SLC35D1: variants seen among roughly 807,000 people sequenced by gnomAD.
SLC35D1 encodes the protein solute carrier family 35 member D1, also known as nucleotide sugar transporter SLC35D1.
A neutral mutation model predicts 46.7 loss-of-function variants in SLC35D1; 31 were observed. The observed-to-expected ratio is 0.66, with a 90% CI of 0.50 to 0.90. The LOEUF (loss-of-function observed/expected upper bound fraction) is 0.90. Ranked by LOEUF, SLC35D1 falls within the 40% of genes least tolerant of loss-of-function variation. The pLI is 0.00. For synonymous variants in SLC35D1, 195 were observed against 164.6 expected (o/e 1.18, Z -1.41); for missense variants, 397 against 426.2 (o/e 0.93, Z 0.60).
intron 8 of SLC35D1, among the ~76,000 whole-genome samples, chr1:67,028,701 C>G (rs1306717247): frequency 6.6e-6 from 1 of 152,156 alleles, no homozygotes; most frequent in Admixed American, 6.5e-5. Flanking sequence ...TCCCACCCTT[C>G]ATAGACTTCT....
At chr1:67,036,300 T>C (rs571207918) in intron 8 of SLC35D1, among the ~76,000 whole-genome samples, 1 of 152,314 alleles carries the variant, frequency 6.6e-6, no homozygotes, top group South Asian at 2.1e-4. Context: ...CAGCTATTAC[T>C]GTATTGGGAT....
rs779413390 is a variant in SLC35D1, at chr1:67,054,023, A to G, written c.-10T>C. The G allele has an allele frequency of 1.9e-6, 3 of 1,607,068 alleles. No individual in the cohort carries two copies. The highest frequency in any genetic ancestry group is 2.5e-6 in the Non-Finnish European group (3 of 1,177,000). On this transcript the variant is annotated 5_prime_UTR_variant, in exon 1 of 12. Coordinates refer to ENST00000235345, the MANE Select transcript of SLC35D1 (RefSeq NM_015139.3). ...TATGAACTTCCGCCATGGCTGCCGC[A>G]GCAGCGGTGGCCTGGCGGCGGGGCC...
At chr1:66,982,948 G>A in the SLC35D1 span, among the ~76,000 whole-genome samples, 4 of 152,202 alleles carry the variant, frequency 2.6e-5, no homozygotes, top group South Asian at 2.1e-4. Context: ...GGGACTAACC[G>A]TATAGGCTCA....
rs1667350985 is a variant in SLC35D1 at position 67,002,095 on chromosome 1, A to G, written c.*2245T>C. 1 of 152,390 alleles carries G rather than the reference A, an allele frequency of 6.6e-6. No individual in the cohort carries two copies. 9.4% of individuals were successfully genotyped at this position (152,390 alleles called of 1,614,324 possible). A position where few individuals can be genotyped will look rare whatever the true frequency, so the allele number is the denominator to read the frequency against. On this transcript the variant is annotated 3_prime_UTR_variant, in exon 12 of 12. Transcript: ENST00000235345. ...GAAGAAATATTCTACAACAAAAATT[A>G]TTCAAACGTCCCTCCTTCATGTTGC...
chr1:66,994,514 C>T (rs887866907), downstream of SLC35D1, among the ~76,000 whole-genome samples: 10 of 152,014 alleles, frequency 6.6e-5, no homozygotes, highest in African/African-American at 2.4e-4. Flanking sequence ...CGTGGTGGCA[C>T]AAGCCTGTAG....
the SLC35D1 span, among the ~76,000 whole-genome samples, chr1:66,980,258 A>G: frequency 6.6e-6 from 1 of 152,240 alleles, no homozygotes; most frequent in African/African-American, 2.4e-5. Context: ...AAAGCTGAAG[A>G]AGTCTTCAAG....
chr1:67,008,713 A>G (rs534551628), intron 11 of SLC35D1, among the ~76,000 whole-genome samples: 3 of 152,230 alleles, frequency 2.0e-5, no homozygotes, highest in African/African-American at 7.2e-5. Context: ...AATGCTTTCA[A>G]TATAGCAACC....
intron 10 of SLC35D1, among the ~76,000 whole-genome samples, chr1:67,010,609 A>C (rs1667543864): frequency 6.6e-6 from 1 of 152,020 alleles, no homozygotes; most frequent in Non-Finnish European, 1.5e-5. Flanking sequence ...AATACTTGGG[A>C]CCTGAAATAT....
Position 67,049,807 on chromosome 1 carries a change from T to C in SLC35D1, c.508A>G (p.Ile170Val), listed in dbSNP as rs1407589659. Reference sequence around the variant, plus strand: ...CTGGCAGCTACAAAGGCTCCAATAATCATTGCAAATACAGTCATTTTAATA... The same window carrying C: ...CTGGCAGCTACAAAGGCTCCAATAACCATTGCAAATACAGTCATTTTAATA... ...WGIKMTVFAM[I>V]IGAFVAASSD... Residue 170 changes from isoleucine (I) to valine (V), a missense_variant, in exon 6 of 12, where the codon ATT becomes GTT. Transcript: ENST00000235345. The C allele has an allele frequency of 8.1e-5, 130 of 1,613,744 alleles. No homozygotes were observed. In the Admixed American group the frequency reaches 2.2e-3, roughly 27 times the overall value.
the SLC35D1 span, among the ~76,000 whole-genome samples, chr1:66,990,235 A>G: frequency 6.6e-6 from 1 of 152,122 alleles, no homozygotes; most frequent in African/African-American, 2.4e-5. Context: ...AAATGTTTGC[A>G]TTTAAAAAAC....
At chr1:67,021,724 G>GACACACACACACACAC (rs35069681) in intron 8 of SLC35D1, 122 bp from the exon 9 acceptor site, 58 of 422,540 alleles carry the variant, frequency 1.4e-4, no homozygotes, top group African/African-American at 3.5e-4. Flanking sequence ...CACAGACACA[G>GACACACACACACACAC]ACACACACAC....
intron 7 of SLC35D1, among the ~76,000 whole-genome samples, chr1:67,046,106 G>A (rs886813237): frequency 1.3e-5 from 2 of 151,972 alleles, no homozygotes; most frequent in African/African-American, 4.8e-5. Context: ...AAAATGGATT[G>A]GAAACAAATC....
chr1:67,007,202 G>C (rs563319289), intron 11 of SLC35D1, among the ~76,000 whole-genome samples: 7 of 152,242 alleles, frequency 4.6e-5, no homozygotes, highest in South Asian at 4.1e-4. Context: ...TACCATAAAT[G>C]GTGGCTTATA....
At chr1:66,998,318 G>A (rs777963018), downstream of SLC35D1, among the ~76,000 whole-genome samples, 6 of 152,076 alleles carry the variant, frequency 3.9e-5, no homozygotes, top group African/African-American at 1.2e-4. Context: ...ATGAAAACCC[G>A]TCTCTACTAA....
At chr1:67,006,004 T>G (rs1667439658) in intron 11 of SLC35D1, among the ~76,000 whole-genome samples, 1 of 151,996 alleles carries the variant, frequency 6.6e-6, no homozygotes, top group South Asian at 2.1e-4. Context: ...ATTCTTACAC[T>G]TTTTATTGTC....
chr1:66,982,382 G>T, the SLC35D1 span, among the ~76,000 whole-genome samples: 1 of 152,092 alleles, frequency 6.6e-6, no homozygotes. Context: ...GATAAAGCCG[G>T]TATCAACCTG....
At chr1:66,979,381 C>T in the SLC35D1 span, among the ~76,000 whole-genome samples, 1 of 152,170 alleles carries the variant, frequency 6.6e-6, no homozygotes, top group Non-Finnish European at 1.5e-5. Context: ...AGCACATTAT[C>T]CTGAAAGTCA....
At chr1:67,006,754 T>C (rs1470592708) in intron 11 of SLC35D1, among the ~76,000 whole-genome samples, 1 of 152,166 alleles carries the variant, frequency 6.6e-6, no homozygotes, top group Non-Finnish European at 1.5e-5. Flanking sequence ...AGGTTGAGTA[T>C]CTCTTATCTA....
chr1:66,988,524 T>G, the SLC35D1 span: 2 of 151,988 alleles, frequency 1.3e-5, no homozygotes, highest in African/African-American at 4.8e-5. Flanking sequence ...GGACGTGGAG[T>G]TTTTCCTTTT....
Sources: allele counts gnomAD v4.1 joint callset (sites outside exome capture counted in the v4.1 genomes callset), GRCh38; gene constraint gnomAD v4.1.1; transcripts MANE v1.5; gene names NCBI Gene and HGNC (gene_info 2026-07-23, HGNC 2026-07-21).